NDRG2: variants seen among roughly 807,000 people sequenced by gnomAD.
NDRG2 encodes protein NDRG2.
In NDRG2, 34 loss-of-function variants were observed where a neutral mutation model predicts 58.2. The observed-to-expected ratio is 0.58, with a 90% CI of 0.44 to 0.78. The LOEUF is 0.78. NDRG2 is among the 30% of genes least tolerant of loss of function. The pLI is 0.00. For synonymous variants in NDRG2, 187 were observed against 175.9 expected, an observed-to-expected ratio of 1.06 and a Z score of -0.50; for missense variants, 434 against 471.2, an observed-to-expected ratio of 0.92 and a Z score of 0.73.
In NDRG2 at chr14:21,020,554, A is replaced by T; in HGVS notation, c.497T>A (p.Leu166His). ...ALNHPDTVEG[L>H]VLINIDPNAK... The stretch of plus-strand genomic sequence containing the variant: ...ATTGGGATCAATGTTGATGAGGACA[A>T]GACCTTCAACAGTGTCCGGGTGGTT... Residue 166 changes from leucine to histidine, a missense_variant, in exon 8 of 16, where the codon CTT becomes CAT. Physicochemically the swap from Leu to His is moderately conservative, Grantham distance 99. Transcript: ENST00000556147. 6.2e-7 allele frequency: 1 copy of T among 1,613,824 alleles called. No homozygotes were observed. The highest frequency in any genetic ancestry group is 8.5e-7 in the Non-Finnish European group (1 of 1,179,962).
chr14:21,019,705 T>C lies in NDRG2; in HGVS notation c.650A>G (p.Tyr217Cys), dbSNP rs1333919121. The part of the protein sequence containing the change: ...LSGNSELIQK[Y>C]RNIITHAPNL... ...GGGTGCATGTGTAATGATATTTCTG[T>C]ACTTTTGTATCAACTCAGAATTTCC... The change falls in exon 10 of 16, where the codon TAC (tyrosine) becomes TGC (cysteine). Residue 217 changes from tyrosine (Y) to cysteine (C), a missense_variant. Physicochemically the swap from Tyr to Cys is radical, Grantham distance 194. Transcript: ENST00000556147. The C allele has an allele frequency of 3.7e-6, 6 of 1,613,728 alleles. No homozygotes were observed. In the Admixed American group the frequency reaches 8.3e-5, roughly 22 times the overall value.
At position 21,023,329 on chromosome 14, in the gene NDRG2, G is replaced by T. The variant is rs1224638727; in HGVS notation, c.-6-8C>A. 1.2e-6 allele frequency: 2 copies of T among 1,611,186 alleles called. No homozygotes were observed. The highest frequency in any genetic ancestry group is 3.4e-5 in the Admixed American group (2 of 59,616). On this transcript the variant is annotated splice_region_variant and splice_polypyrimidine_tract_variant and intron_variant, in intron 1 of 15. Coordinates refer to ENST00000556147, the MANE Select transcript of NDRG2 (RefSeq NM_001320329.2). ...CAGCTCCGCCATGGTGGCCTGGCAG[G>T]ATGAGGAAATGAGACTGGGAAGTTG...
Position 21,020,818 on chromosome 14 carries a change from A to C in NDRG2, c.434T>G (p.Val145Gly). The C allele has an allele frequency of 5.0e-6, 8 of 1,613,604 alleles. No individual in the cohort carries two copies. The highest frequency in any genetic ancestry group is 6.8e-6 in the Non-Finnish European group (8 of 1,179,930). ...CGCCAGGATGTAGGCTCCAGCTCCAACACCAACTCCAATTATTGTAGAGAA... is the reference window on the plus strand; with the variant it reads ...CGCCAGGATGTAGGCTCCAGCTCCACCACCAACTCCAATTATTGTAGAGAA... ...LNFSTIIGVG[V>G]GAGAYILARY... Residue 145 changes from valine (V) to glycine (G), a missense_variant, in exon 7 of 16, where the codon GTT becomes GGT. Coordinates refer to ENST00000556147, the MANE Select transcript of NDRG2 (RefSeq NM_001320329.2).
intron 8 of NDRG2, 185 bp downstream of exon 8, chr14:21,020,298 AAAAAAAAAAAAAG>A (rs1449270146): frequency 4.4e-5 from 24 of 541,712 alleles, no homozygotes; most frequent in Non-Finnish European, 7.2e-5. Context: ...CATCTCAAAA[AAAAAAAAAAAAAG>A]AAAAAGAAAA....
At chr14:21,066,919 A>T (rs76450792) in intron 1 of NDRG2, among the ~76,000 whole-genome samples, 2,676 of 152,332 alleles carry the variant, frequency 0.018, 92 homozygotes, top group African/African-American at 0.061. Flanking sequence ...TAACTGGGAT[A>T]TTGATCCCCA....
chr14:21,061,668 G>C (rs1160207898), intron 1 of NDRG2, among the ~76,000 whole-genome samples: 2 of 152,204 alleles, frequency 1.3e-5, no homozygotes, highest in African/African-American at 2.4e-5. Flanking sequence ...CAGTGGGTAA[G>C]TATGTTCTAA....
chr14:21,032,230 C>T (rs1049158197), intron 1 of NDRG2: 1 of 821,190 alleles, frequency 1.2e-6, no homozygotes, highest in Admixed American at 2.0e-5. Flanking sequence ...GGAGAAGAGG[C>T]AGCACAGGAG....
upstream of NDRG2, chr14:21,025,074 G>T (rs1883170458): frequency 4.3e-5 from 42 of 986,028 alleles, 1 homozygote; most frequent in South Asian, 2.3e-4. The surrounding 1 kb of genome is among the most constrained non-coding windows in gnomAD (Gnocchi z 5.1). Context: ...CTTTGACTCG[G>T]GCCCGCCCCG....
In NDRG2 at chr14:21,017,625, G is replaced by A. The variant is rs142730462; in HGVS notation, c.1087C>T (p.Pro363Ser). ...SESGTLSSGP[P>S]GHTMEVSC Reference sequence around the variant, plus strand: ...CAGGAGACCTCCATGGTGTGCCCCGGGGGCCCCGAAGAAAGAGTTCCAGAC... The same window carrying A: ...CAGGAGACCTCCATGGTGTGCCCCGAGGGCCCCGAAGAAAGAGTTCCAGAC... The change falls in exon 16 of 16, where the codon CCG (proline) becomes TCG (serine). Residue 363 changes from proline to serine, a missense_variant. By Grantham distance (74) the Pro-to-Ser change is moderately conservative. Coordinates refer to ENST00000556147, the MANE Select transcript of NDRG2 (RefSeq NM_001320329.2). The A allele has an allele frequency of 6.5e-4, 1,043 of 1,613,754 alleles. 1 individual carries two copies. The highest frequency in any genetic ancestry group is 8.1e-4 in the Non-Finnish European group (956 of 1,179,880).
rs1594503922 is a variant in NDRG2, at chr14:21,047,435, T to C, written c.24+23393A>G. Among the ~76,000 whole-genome samples the C allele has an allele frequency of 2.0e-5, 3 of 152,202 alleles. No individual in the cohort carries two copies. In the East Asian group the frequency reaches 5.8e-4, roughly 29 times the overall value. ...TGTCACTCAATCCTTCGTGTGACCT[T>C]GATCACAGCCAAGTTAAAGGATGCC... On this transcript the variant is annotated intron_variant, in intron 1 of 14. Transcript: ENST00000403829.
chr14:21,043,393 G>A, intron 1 of NDRG2: 3 of 1,613,496 alleles, frequency 1.9e-6, no homozygotes, highest in Non-Finnish European at 2.5e-6. Flanking sequence ...GTAGTGGCCT[G>A]TAAGCCTCCC....
At chr14:21,018,868 G>T in intron 11 of NDRG2, 54 bp from the exon 12 acceptor site, 1 of 1,604,476 alleles carries the variant, frequency 6.2e-7, no homozygotes, top group Non-Finnish European at 8.5e-7. Flanking sequence ...TCCCTCACTG[G>T]CCTCTGCCTA....
At chr14:21,033,615 G>T (rs749658923) in intron 1 of NDRG2, 3 of 598,830 alleles carry the variant, frequency 5.0e-6, no homozygotes, top group Admixed American at 2.9e-5. Flanking sequence ...CGAAGAGGGG[G>T]TAAACAAGCT....
rs988654643 is a variant in NDRG2, at chr14:21,018,743, C to A, written c.813+20G>T. ...GACCCCAACCCTCCTCCCTCACTCACCCCAAAATTCCCTACTAACCACTGC... is the reference window on the plus strand; with the variant it reads ...GACCCCAACCCTCCTCCCTCACTCAACCCAAAATTCCCTACTAACCACTGC... On this transcript the variant is annotated intron_variant, in intron 12 of 15. Transcript: ENST00000556147. 7.4e-6 allele frequency: 12 copies of A among 1,613,944 alleles called. No individual in the cohort carries two copies. The highest frequency in any genetic ancestry group is 1.6e-4 in the Middle Eastern group (1 of 6,084).
At chr14:21,034,475 T>C (rs1884483702) in intron 1 of NDRG2, among the ~76,000 whole-genome samples, 1 of 152,184 alleles carries the variant, frequency 6.6e-6, no homozygotes, top group African/African-American at 2.4e-5. Context: ...ACCAGCCACC[T>C]TCAGCCAGCC....
chr14:21,047,271 T>C (rs374263110), intron 1 of NDRG2, among the ~76,000 whole-genome samples: 49 of 152,344 alleles, frequency 3.2e-4, no homozygotes, highest in African/African-American at 1.0e-3. Flanking sequence ...AATAATTTTT[T>C]TTTAAGCTCA....
intron 1 of NDRG2, among the ~76,000 whole-genome samples, chr14:21,038,941 C>T (rs1459025406): frequency 6.6e-6 from 1 of 152,244 alleles, no homozygotes; most frequent in Non-Finnish European, 1.5e-5. Context: ...CTGACCTCAA[C>T]TTGCTGTATG....
At chr14:21,047,063 A>T (rs1885207287) in intron 1 of NDRG2, 1 of 152,174 alleles carries the variant, frequency 6.6e-6, no homozygotes, top group Non-Finnish European at 1.5e-5. Flanking sequence ...TTCTCCCTAA[A>T]GTTATCTAGC....
chr14:21,034,443 C>CT (rs1459472337), intron 1 of NDRG2: 1 of 642,074 alleles, frequency 1.6e-6, no homozygotes, highest in East Asian at 2.7e-5. Context: ...AGAGGAGATG[C>CT]TTGCCCAAGG....
Sources: allele counts gnomAD v4.1 joint callset (sites outside exome capture counted in the v4.1 genomes callset), GRCh38; gene constraint gnomAD v4.1.1; non-coding constraint Gnocchi (gnomAD v3.1); transcripts MANE v1.5; gene names NCBI Gene and HGNC (gene_info 2026-07-23, HGNC 2026-07-21).